The following ZNF804A variants were observed in gnomAD, a reference collection of about 807,000 sequenced individuals.
ZNF804A encodes the protein zinc finger protein 804A.
ZNF804A carries 2 observed loss-of-function variants against 16.5 expected under a neutral mutation model. The ratio of observed to expected loss-of-function variants is 0.12; its 90% confidence interval spans 0.05 to 0.38. ZNF804A has a LOEUF of 0.38. ZNF804A is among the 10% of genes least tolerant of loss of function. The pLI is 0.99. For synonymous variants in ZNF804A, 534 were observed against 489.6 expected (o/e 1.09, Z -1.20); for missense variants, 1,473 against 1,390.7 (o/e 1.06, Z -0.94).
At chr2:184,811,811 T>C (rs1694906730) in intron 1 of ZNF804A, among the ~76,000 whole-genome samples, 1 of 152,214 alleles carries the variant, frequency 6.6e-6, no homozygotes, top group Non-Finnish European at 1.5e-5. Context: ...TCTTAATTAA[T>C]ATTTTAACAT....
At chr2:184,666,696 A>T (rs1222633672) in intron 1 of ZNF804A, among the ~76,000 whole-genome samples, 1 of 152,070 alleles carries the variant, frequency 6.6e-6, no homozygotes, top group Non-Finnish European at 1.5e-5. Flanking sequence ...ATTTCTGCTA[A>T]TTAGCTAGAG....
intron 2 of ZNF804A, among the ~76,000 whole-genome samples, chr2:184,897,706 A>G (rs184931489): frequency 7.1e-4 from 108 of 152,252 alleles, no homozygotes; most frequent in African/African-American, 2.5e-3. Context: ...TAATACTACC[A>G]TATTTTCTTG....
intron 1 of ZNF804A, among the ~76,000 whole-genome samples, chr2:184,783,137 A>AT (rs1558960282): frequency 6.9e-4 from 28 of 40,490 alleles, no homozygotes; most frequent in African/African-American, 1.8e-3. Flanking sequence ...TAAAAGAGTG[A>AT]GTTTTTTTTT....
chr2:184,749,176 C>T (rs1411178349), intron 1 of ZNF804A, among the ~76,000 whole-genome samples: 1 of 151,258 alleles, frequency 6.6e-6, no homozygotes, highest in Non-Finnish European at 1.5e-5. Flanking sequence ...GAAGTATGAC[C>T]ATTTTAATGA....
At chr2:184,656,054 C>T (rs1004394966) in intron 1 of ZNF804A, among the ~76,000 whole-genome samples, 9 of 151,806 alleles carry the variant, frequency 5.9e-5, no homozygotes, top group African/African-American at 2.2e-4. Flanking sequence ...CTTCCTAGGT[C>T]GTTGAGCAAA....
intron 2 of ZNF804A, among the ~76,000 whole-genome samples, chr2:184,923,632 A>G (rs890065355): frequency 2.6e-5 from 4 of 151,976 alleles, no homozygotes; most frequent in Admixed American, 6.6e-5. Context: ...GGTCCAGATC[A>G]CAAAGAAAAG....
At chr2:184,934,192 C>A (rs1453830347) in intron 3 of ZNF804A, among the ~76,000 whole-genome samples, 1 of 152,040 alleles carries the variant, frequency 6.6e-6, no homozygotes, top group African/African-American at 2.4e-5. Flanking sequence ...GCTTGAGAAG[C>A]AGACCAACAT....
chr2:184,781,526 T>G (rs1374145797), intron 1 of ZNF804A, among the ~76,000 whole-genome samples: 1 of 151,806 alleles, frequency 6.6e-6, no homozygotes, highest in Non-Finnish European at 1.5e-5. Context: ...TTATTCTACT[T>G]TATGAAAAAA....
intron 1 of ZNF804A, among the ~76,000 whole-genome samples, chr2:184,729,833 A>G (rs1037147120): frequency 7.2e-5 from 11 of 152,144 alleles, no homozygotes; most frequent in Admixed American, 2.0e-4. Flanking sequence ...CATATGGCAC[A>G]CTGAACTATT....
intron 2 of ZNF804A, among the ~76,000 whole-genome samples, chr2:184,894,828 G>C (rs1558995235): frequency 6.6e-6 from 1 of 152,028 alleles, no homozygotes; most frequent in Non-Finnish European, 1.5e-5. Flanking sequence ...TGGGAGTGCA[G>C]GTGCCCGACA....
At chr2:184,701,740 C>G (rs1370764175) in intron 1 of ZNF804A, among the ~76,000 whole-genome samples, 2 of 151,850 alleles carry the variant, frequency 1.3e-5, no homozygotes, top group African/African-American at 4.8e-5. Context: ...ATTCATAGTA[C>G]AGTCTCTCTG....
At position 184,837,935 on chromosome 2, in the gene ZNF804A, T is replaced by C. The variant is rs527260961; in HGVS notation, c.112-28434T>C. Among the ~76,000 whole-genome samples, 6 of 152,226 alleles carry C rather than the reference T, an allele frequency of 3.9e-5. No individual in the cohort carries two copies. In the South Asian group the frequency reaches 8.3e-4, roughly 21 times the overall value. ...TATGATCACCATAGCCTTTGGGAGCTTGCCTTGAGAGAAACAGCAGGAAAA... is the reference window on the plus strand; with the variant it reads ...TATGATCACCATAGCCTTTGGGAGCCTGCCTTGAGAGAAACAGCAGGAAAA... On this transcript the variant is annotated intron_variant, in intron 1 of 3. Transcript: ENST00000302277.
chr2:184,619,115 G>T (rs1691377716), intron 1 of ZNF804A, among the ~76,000 whole-genome samples: 1 of 151,974 alleles, frequency 6.6e-6, no homozygotes, highest in Non-Finnish European at 1.5e-5. Flanking sequence ...AATCAGCAAG[G>T]AGCCTGTGAG....
At position 184,611,491 on chromosome 2, in the gene ZNF804A, T is replaced by TA. The variant is rs369535068; in HGVS notation, c.111+12422dup. 1.3e-3 allele frequency among the ~76,000 whole-genome samples: 200 copies of TA among 152,192 alleles called. 1 individual carries two copies. The highest frequency in any genetic ancestry group is 4.7e-3 in the African/African-American group (197 of 41,540). ...TGAAAATCATAAGGAAACCCTCAGA[T>TA]ATCAGTCATTGCTGTGACTCATAAA... On this transcript the variant is annotated intron_variant, in intron 1 of 3. Coordinates refer to ENST00000302277, the MANE Select transcript of ZNF804A (RefSeq NM_194250.2).
chr2:184,682,874 G>A (rs1465481936), intron 1 of ZNF804A, among the ~76,000 whole-genome samples: 1 of 152,116 alleles, frequency 6.6e-6, no homozygotes, highest in Non-Finnish European at 1.5e-5. Flanking sequence ...CCAGCATGGT[G>A]GTGTACCCCT....
At chr2:184,663,073 G>A (rs1051391490) in intron 1 of ZNF804A, among the ~76,000 whole-genome samples, 16 of 152,196 alleles carry the variant, frequency 1.1e-4, no homozygotes, top group Non-Finnish European at 1.5e-5. Flanking sequence ...CAGAGTGGGA[G>A]GCATGGCCAA....
intron 1 of ZNF804A, among the ~76,000 whole-genome samples, chr2:184,736,675 C>T (rs1052241556): frequency 1.3e-5 from 2 of 151,282 alleles, no homozygotes; most frequent in African/African-American, 2.4e-5. Flanking sequence ...GAAACCTGCA[C>T]GTTCTGCACA....
chr2:184,912,311 G>T (rs1339870815), intron 2 of ZNF804A, among the ~76,000 whole-genome samples: 1 of 151,934 alleles, frequency 6.6e-6, no homozygotes. Flanking sequence ...TATCCAAGTT[G>T]TATATTCCTT....
At chr2:184,833,933 T>C (rs1199855921) in intron 1 of ZNF804A, among the ~76,000 whole-genome samples, 3 of 152,050 alleles carry the variant, frequency 2.0e-5, no homozygotes, top group Non-Finnish European at 4.4e-5. Flanking sequence ...GTGAAAAGCA[T>C]ATGACTTCCT....
Sources: allele counts gnomAD v4.1 joint callset (sites outside exome capture counted in the v4.1 genomes callset), GRCh38; gene constraint gnomAD v4.1.1; transcripts MANE v1.5; gene names NCBI Gene and HGNC (gene_info 2026-07-23, HGNC 2026-07-21).